The following ITSN1 variants were observed in gnomAD, a reference collection of about 807,000 sequenced individuals.
ITSN1 encodes the protein intersectin-1.
A neutral mutation model predicts 239.8 loss-of-function variants in ITSN1; 58 were observed. The observed-to-expected ratio is 0.24, with a 90% CI of 0.20 to 0.30. The LOEUF is 0.30. ITSN1 is among the 10% of genes least tolerant of loss of function. The pLI is 1.00. For synonymous variants in ITSN1, 780 were observed against 770.8 expected (o/e 1.01, Z -0.20); for missense variants, 1,558 against 2,103.3 (o/e 0.74, Z 5.07).
chr21:33,745,635 G>T (rs987885336), intron 5 of ITSN1, among the ~76,000 whole-genome samples: 1 of 152,174 alleles, frequency 6.6e-6, no homozygotes, highest in Non-Finnish European at 1.5e-5. Context: ...AATATTAGCA[G>T]TCTTAACTGC....
At chr21:33,820,826 T>C (rs1408809157) in intron 24 of ITSN1, among the ~76,000 whole-genome samples, 5 of 151,946 alleles carry the variant, frequency 3.3e-5, no homozygotes, top group Non-Finnish European at 7.4e-5. Context: ...GTCAGTTTAG[T>C]AAAAAGCAAC....
chr21:33,809,020 A>G (rs2072693131), intron 20 of ITSN1, among the ~76,000 whole-genome samples: 1 of 152,228 alleles, frequency 6.6e-6, no homozygotes, highest in Admixed American at 6.5e-5. Flanking sequence ...TATCACCAAA[A>G]TGTAAACAAG....
chr21:33,860,166 GT>G (rs1980203373), intron 31 of ITSN1, among the ~76,000 whole-genome samples: 1 of 152,034 alleles, frequency 6.6e-6, no homozygotes, highest in African/African-American at 2.4e-5. Context: ...AAGTAGCCGG[GT>G]GTGGTTGTGG....
intron 1 of ITSN1, among the ~76,000 whole-genome samples, chr21:33,656,557 G>A (rs962664901): frequency 2.6e-5 from 4 of 151,668 alleles, no homozygotes; most frequent in African/African-American, 4.8e-5. Context: ...TTTTTGAGAC[G>A]GAGTCTCACT....
chr21:33,697,115 C>T (rs1274754464), intron 1 of ITSN1, among the ~76,000 whole-genome samples: 6 of 150,108 alleles, frequency 4.0e-5, no homozygotes, highest in Non-Finnish European at 7.4e-5. Context: ...CGGATTCTCA[C>T]TCTGTCGCCC....
intron 20 of ITSN1, among the ~76,000 whole-genome samples, chr21:33,809,601 G>C (rs1183805497): frequency 6.6e-6 from 1 of 152,128 alleles, no homozygotes; most frequent in Non-Finnish European, 1.5e-5. Context: ...GAATGGATTA[G>C]ATAACTGGTA....
At chr21:33,786,421 A>G (rs555338466) in intron 16 of ITSN1, among the ~76,000 whole-genome samples, 47 of 152,328 alleles carry the variant, frequency 3.1e-4, no homozygotes, top group African/African-American at 1.1e-3. Flanking sequence ...GACTCTGTGT[A>G]CCAAAAGGGT....
At chr21:33,778,977 G>A (rs550917901) in intron 14 of ITSN1, among the ~76,000 whole-genome samples, 30 of 151,898 alleles carry the variant, frequency 2.0e-4, no homozygotes, top group African/African-American at 4.6e-4. Flanking sequence ...CTCTGTCTCC[G>A]TGCTTCCTTC....
At chr21:33,751,676 T>G (rs2067564553) in intron 6 of ITSN1, 134 bp from the exon 7 acceptor site, 1 of 669,300 alleles carries the variant, frequency 1.5e-6, no homozygotes, top group South Asian at 2.0e-5. Flanking sequence ...GGAAAAGCTC[T>G]TTTCAGTCTA....
Position 33,797,244 on chromosome 21 carries a change from TG to T in ITSN1, c.1953-134del, listed in dbSNP as rs1321626066. The T allele has an allele frequency of 1.5e-6, 1 of 681,374 alleles. No individual in the cohort carries two copies. The highest frequency in any genetic ancestry group is 2.6e-6 in the Non-Finnish European group (1 of 388,516). 42.2% of individuals were successfully genotyped at this position (681,374 alleles called of 1,614,324 possible). A position where few individuals can be genotyped will look rare whatever the true frequency, so the allele number is the denominator to read the frequency against. On this transcript the variant is annotated intron_variant, in intron 17 of 39. Transcript: ENST00000381318. The surrounding 1 kb of genome is among the most constrained non-coding windows in gnomAD (Gnocchi z 4.9). ...TTCAGAACTGGAGCCCTGATTCAGTTGCCCCATCTGAACAACAATGTTCCCT... is the reference window on the plus strand; with the variant it reads ...TTCAGAACTGGAGCCCTGATTCAGTTCCCCATCTGAACAACAATGTTCCCT...
chr21:33,887,340 G>A (rs889380942), intron 39 of ITSN1, among the ~76,000 whole-genome samples: 1 of 151,572 alleles, frequency 6.6e-6, no homozygotes, highest in African/African-American at 2.4e-5. Flanking sequence ...AAATCACAGA[G>A]TAAGTTAAAA....
At chr21:33,863,763 G>A (rs1287918430) in intron 31 of ITSN1, among the ~76,000 whole-genome samples, 5 of 152,184 alleles carry the variant, frequency 3.3e-5, no homozygotes, top group Non-Finnish European at 5.9e-5. Context: ...AGTTTATAAC[G>A]TGGCTATCCA....
At chr21:33,701,256 G>T (rs969196557) in intron 1 of ITSN1, among the ~76,000 whole-genome samples, 1 of 151,986 alleles carries the variant, frequency 6.6e-6, no homozygotes, top group Non-Finnish European at 1.5e-5. Context: ...ATGCCACCAC[G>T]CCCAGCTAGT....
chr21:33,668,322 G>A lies in ITSN1; in HGVS notation c.-33+25609G>A, dbSNP rs117547607. 4.5e-4 allele frequency among the ~76,000 whole-genome samples: 68 copies of A among 152,316 alleles called. 1 individual carries two copies. The East Asian group carries it at 0.013, about 28-fold the overall frequency. ...GCAATTTGTCAACCTCCCTAAGAGGGTCACATCACTGTGGTGTGGGCCCCC... is the reference window on the plus strand; with the variant it reads ...GCAATTTGTCAACCTCCCTAAGAGGATCACATCACTGTGGTGTGGGCCCCC... On this transcript the variant is annotated intron_variant, in intron 1 of 39. Transcript: ENST00000381318.
intron 22 of ITSN1, among the ~76,000 whole-genome samples, chr21:33,815,534 G>C (rs1475793838): frequency 6.6e-6 from 1 of 152,052 alleles, no homozygotes; most frequent in Non-Finnish European, 1.5e-5. Flanking sequence ...AAACCACACT[G>C]CAGGGGCGTA....
At chr21:33,671,346 T>C (rs1199000823) in intron 1 of ITSN1, among the ~76,000 whole-genome samples, 1 of 152,194 alleles carries the variant, frequency 6.6e-6, no homozygotes, top group East Asian at 2.0e-4. Flanking sequence ...TGGATTGCAG[T>C]GGTGATCTTG....
rs1986905318 is a variant in ITSN1 at position 33,898,363 on chromosome 21, C to CA, written c.*10064dup. The CA allele has an allele frequency of 6.6e-6, 1 of 152,206 alleles. No individual in the cohort carries two copies. Among genetic ancestry groups the CA allele is most frequent in the African/African-American group, 2.4e-5 (1 of 41,452 alleles). 9.4% of individuals were successfully genotyped at this position (152,206 alleles called of 1,614,324 possible). On this transcript the variant is annotated 3_prime_UTR_variant, in exon 40 of 40. Coordinates refer to ENST00000381318, the MANE Select transcript of ITSN1 (RefSeq NM_003024.3). ...GTTTCTGAGTTAAGCCGTTTTGGGG[C>CA]AGGCTTCTGGATGCCCATGTTTCCA... is the stretch of plus-strand genomic sequence containing the variant.
chr21:33,659,705 CTTTTTTTTTTTTTTTT>C (rs71194859), intron 1 of ITSN1, among the ~76,000 whole-genome samples: 1 of 76,608 alleles, frequency 1.3e-5, no homozygotes, highest in Admixed American at 1.7e-4. Flanking sequence ...GCAGCCTGTA[CTTTTTTTTTTTTTTTT>C]TTTTTTTTTG....
chr21:33,854,346 C>T (rs923494960), intron 29 of ITSN1, among the ~76,000 whole-genome samples: 4 of 152,212 alleles, frequency 2.6e-5, no homozygotes, highest in Admixed American at 2.6e-4. Flanking sequence ...TCTAATCTCC[C>T]TGCAGAAGGG....
Sources: allele counts gnomAD v4.1 joint callset (sites outside exome capture counted in the v4.1 genomes callset), GRCh38; gene constraint gnomAD v4.1.1; non-coding constraint Gnocchi (gnomAD v3.1); transcripts MANE v1.5; gene names NCBI Gene and HGNC (gene_info 2026-07-23, HGNC 2026-07-21).